Variants in CDK6 observed in about 807,000 individuals in gnomAD.
CDK6 encodes the protein cyclin dependent kinase 6, also known as cyclin-dependent kinase 6.
A neutral mutation model predicts 37.1 loss-of-function variants in CDK6; 6 were observed. The observed-to-expected ratio is 0.16, with a 90% CI of 0.09 to 0.32. The LOEUF (loss-of-function observed/expected upper bound fraction) is 0.32, where lower values mean the gene tolerates loss of function less well. CDK6 is among the 10% of genes least tolerant of loss of function. CDK6 has a pLI of 1.00. For missense variants in CDK6, 224 were observed against 418.9 expected (o/e 0.53, Z 4.06); for synonymous variants, 160 against 161.3 (o/e 0.99, Z 0.06).
chr7:92,785,934 C>A (rs1211386010), intron 2 of CDK6, among the ~76,000 whole-genome samples: 1 of 152,178 alleles, frequency 6.6e-6, no homozygotes, highest in African/African-American at 2.4e-5. Context: ...ATATCCCAAA[C>A]CCTCTTACAT....
intron 4 of CDK6, among the ~76,000 whole-genome samples, chr7:92,715,984 G>A: frequency 6.6e-6 from 1 of 152,290 alleles, no homozygotes; most frequent in South Asian, 2.1e-4. Context: ...GAGGGATGAA[G>A]CACAATAATT....
chr7:92,649,764 TC>T (rs1390375099), intron 5 of CDK6, among the ~76,000 whole-genome samples: 15 of 152,202 alleles, frequency 9.9e-5, no homozygotes, highest in Non-Finnish European at 1.5e-5. Flanking sequence ...ACAGTCTGGC[TC>T]CAACATCAAC....
At chr7:92,719,651 C>T (rs1798319960) in intron 4 of CDK6, among the ~76,000 whole-genome samples, 1 of 152,172 alleles carries the variant, frequency 6.6e-6, no homozygotes, top group Non-Finnish European at 1.5e-5. Context: ...CTAAACTATA[C>T]AGGTGTGTTT....
chr7:92,800,425 C>T (rs1326212741), intron 2 of CDK6, among the ~76,000 whole-genome samples: 3 of 152,154 alleles, frequency 2.0e-5, no homozygotes, highest in Non-Finnish European at 4.4e-5. Flanking sequence ...TTTCTTGCTC[C>T]TGCAAATTAA....
chr7:92,627,379 GC>G (rs1795951706), intron 5 of CDK6, among the ~76,000 whole-genome samples: 1 of 152,058 alleles, frequency 6.6e-6, no homozygotes, highest in Admixed American at 6.6e-5. Flanking sequence ...TAAGGTGATG[GC>G]ATTAGGAACT....
At chr7:92,731,831 GAAC>G (rs1798658455) in intron 3 of CDK6, among the ~76,000 whole-genome samples, 1 of 151,890 alleles carries the variant, frequency 6.6e-6, no homozygotes, top group African/African-American at 2.4e-5. Context: ...TGACTTAAAT[GAAC>G]AACATGAAAG....
intron 5 of CDK6, among the ~76,000 whole-genome samples, chr7:92,654,510 A>G (rs561225248): frequency 7.2e-5 from 11 of 152,262 alleles, no homozygotes; most frequent in Admixed American, 1.3e-4. Flanking sequence ...TTAGATGTTT[A>G]TATCTACCAT....
chr7:92,643,454 T>C (rs1247731882), intron 5 of CDK6, among the ~76,000 whole-genome samples: 2 of 152,134 alleles, frequency 1.3e-5, no homozygotes, highest in East Asian at 3.8e-4. Flanking sequence ...ACGTGGTCCC[T>C]GCCCTTGTGA....
intron 4 of CDK6, among the ~76,000 whole-genome samples, chr7:92,683,654 T>C (rs745636694): frequency 3.3e-5 from 5 of 151,980 alleles, no homozygotes; most frequent in Non-Finnish European, 7.4e-5. Flanking sequence ...AGCCACAACA[T>C]TTCCCAGTAA....
At chr7:92,785,818 A>G (rs928451236) in intron 2 of CDK6, among the ~76,000 whole-genome samples, 3 of 152,214 alleles carry the variant, frequency 2.0e-5, no homozygotes, top group Admixed American at 6.5e-5. Context: ...CAAAGCCAAA[A>G]TGTTTTTGGT....
At chr7:92,728,857 T>C (rs1374361836) in intron 3 of CDK6, among the ~76,000 whole-genome samples, 1 of 152,184 alleles carries the variant, frequency 6.6e-6, no homozygotes, top group Admixed American at 6.5e-5. Flanking sequence ...GTTAACGACT[T>C]AAAAAACAAA....
chr7:92,628,516 AT>A (rs1269692263), intron 5 of CDK6, among the ~76,000 whole-genome samples: 11 of 152,254 alleles, frequency 7.2e-5, no homozygotes, highest in Admixed American at 6.5e-4. Flanking sequence ...TTGGAACTCA[AT>A]TAATACATGC....
At chr7:92,802,506 T>C (rs1420286899) in intron 2 of CDK6, among the ~76,000 whole-genome samples, 1 of 152,208 alleles carries the variant, frequency 6.6e-6, no homozygotes, top group African/African-American at 2.4e-5. Context: ...GAGAATTCTG[T>C]CTACTTAACA....
chr7:92,798,180 T>G (rs1424272469), intron 2 of CDK6, among the ~76,000 whole-genome samples: 1 of 152,174 alleles, frequency 6.6e-6, no homozygotes, highest in Non-Finnish European at 1.5e-5. Flanking sequence ...AACAAAGGCA[T>G]TAATGAATAA....
rs1562973449 is a variant in CDK6, at chr7:92,815,614, CCA to C, written c.233+17475_233+17476del. ...TTTCTGTTTGGAGGCAATTTCCAGACCACAGGTACAGGAAGGAGGAACCTCAG... is the reference window on the plus strand; with the variant it reads ...TTTCTGTTTGGAGGCAATTTCCAGACCAGGTACAGGAAGGAGGAACCTCAG... On this transcript the variant is annotated intron_variant, in intron 2 of 7. Transcript: ENST00000424848. Among the ~76,000 whole-genome samples, 6 of 152,252 alleles carry C rather than the reference CCA, an allele frequency of 3.9e-5. No individual in the cohort carries two copies. The South Asian group carries it at 1.2e-3, about 32-fold the overall frequency.
At chr7:92,789,680 G>A in intron 2 of CDK6, among the ~76,000 whole-genome samples, 1 of 152,084 alleles carries the variant, frequency 6.6e-6, no homozygotes, top group East Asian at 1.9e-4. Context: ...ACATTTTCTT[G>A]AATTTACCAC....
In CDK6 at chr7:92,671,475, C is replaced by CG; in HGVS notation, c.597dup (p.Val200ArgfsTer16). The CG allele has an allele frequency of 6.3e-7, 1 of 1,581,376 alleles. No individual in the cohort carries two copies. The highest frequency in any genetic ancestry group is 8.6e-7 in the Non-Finnish European group (1 of 1,163,682). ...ATGCAGCCAACACTCCAGAGATCCA[C>CG]GGGGGTGGCGTAGCTGGACTGGAGC... On this transcript the variant is annotated frameshift_variant, in exon 5 of 8. Transcript: ENST00000424848. LOFTEE classifies it high-confidence loss of function.
chr7:92,661,328 G>GTA lies in CDK6; in HGVS notation c.647+10096_647+10097dup, dbSNP rs1286602129. 2.0e-5 allele frequency among the ~76,000 whole-genome samples: 3 copies of GTA among 152,150 alleles called. No homozygotes were observed. In the East Asian group the frequency reaches 5.8e-4, roughly 29 times the overall value. ...TATTCTGAGATTAAAATGAAATTGT[G>GTA]TATTTTAAAGCACCAAATATAGCTG... On this transcript the variant is annotated intron_variant, in intron 5 of 7. Transcript: ENST00000424848.
chr7:92,806,503 G>A (rs557868037), intron 2 of CDK6, among the ~76,000 whole-genome samples: 7 of 152,286 alleles, frequency 4.6e-5, no homozygotes, highest in African/African-American at 1.7e-4. Flanking sequence ...CATGCAAAGA[G>A]GCAGACCCTG....
Sources: allele counts gnomAD v4.1 joint callset (sites outside exome capture counted in the v4.1 genomes callset), GRCh38; gene constraint gnomAD v4.1.1; transcripts MANE v1.5; gene names NCBI Gene and HGNC (gene_info 2026-07-23, HGNC 2026-07-21).